PRCD: variants seen among roughly 807,000 people sequenced by gnomAD.
The protein encoded by PRCD is photoreceptor disk component PRCD.
A neutral mutation model predicts 10.1 loss-of-function variants in PRCD; 12 were observed. The observed-to-expected ratio is 1.18, with a 90% CI of 0.76 to 1.92. PRCD has a LOEUF of 1.92. Ranked by LOEUF, PRCD falls within the 40% of genes most tolerant of loss-of-function variation. PRCD has a pLI of 0.00. For synonymous variants in PRCD, 31 were observed against 26.2 expected (o/e 1.18, Z -0.56); for missense variants, 61 against 72.2 (o/e 0.84, Z 0.56).
At chr17:76,538,657 C>T (rs568013438), upstream of PRCD, 10 of 348,156 alleles carry the variant, frequency 2.9e-5, no homozygotes, top group Non-Finnish European at 5.4e-5. Context: ...ACCAAGGGCC[C>T]GATTCCGGGC....
Position 76,544,404 on chromosome 17 carries a change from G to A in PRCD, c.*754G>A, listed in dbSNP as rs1474318613. The A allele has an allele frequency of 2.2e-6, 1 of 454,950 alleles. No homozygotes were observed. Among genetic ancestry groups the A allele is most frequent in the Admixed American group, 2.3e-5 (1 of 42,586 alleles). The allele number at this position is 454,950 out of a possible 1,614,324, so 28.2% of individuals were successfully genotyped here. ...TGCCGCAGAGCAGAGGGAACCGCTG[G>A]GGAGGCGCTCAGGGTGGGGGAGGAG... On this transcript the variant is annotated 3_prime_UTR_variant, in exon 5 of 5. Transcript: ENST00000592014.
At position 76,545,268 on chromosome 17, in the gene PRCD, C is replaced by T. The variant is rs77404579; in HGVS notation, c.*1618C>T. The T allele has an allele frequency of 2.1e-3, 981 of 456,792 alleles. 9 individuals are homozygous for T. Among genetic ancestry groups the T allele is most frequent in the African/African-American group, 0.018 (880 of 50,216 alleles). 28.3% of individuals were successfully genotyped at this position (456,792 alleles called of 1,614,324 possible). On this transcript the variant is annotated 3_prime_UTR_variant, in exon 5 of 5. Coordinates refer to ENST00000592014, the MANE Select transcript of PRCD (RefSeq NM_001077620.3). ...CTCCCCACAGAAGGCTCCTGGGACC[C>T]GGGTGCCCCTTCCTTGGCCCACTGG...
At chr17:76,537,238 C>T (rs1269620919), upstream of PRCD, among the ~76,000 whole-genome samples, 1 of 152,180 alleles carries the variant, frequency 6.6e-6, no homozygotes, top group Non-Finnish European at 1.5e-5. Context: ...AGGCTTCGTT[C>T]ACCCCAAGGC....
chr17:76,549,229 G>T (rs916035526), downstream of PRCD, among the ~76,000 whole-genome samples: 8 of 152,178 alleles, frequency 5.3e-5, no homozygotes. Context: ...AATACATAAA[G>T]AACTTTTACA....
chr17:76,547,957 CACACAT>C (rs1190755509), downstream of PRCD, among the ~76,000 whole-genome samples: 9 of 151,650 alleles, frequency 5.9e-5, no homozygotes, highest in Non-Finnish European at 1.0e-4. Context: ...CACATATACA[CACACAT>C]ACACATAAAC....
chr17:76,538,993 T>C (rs1161545704), upstream of PRCD, among the ~76,000 whole-genome samples: 1 of 152,238 alleles, frequency 6.6e-6, no homozygotes, highest in African/African-American at 2.4e-5. Flanking sequence ...CTGGCCAGCC[T>C]CAGCTGCAGC....
chr17:76,529,456 G>A, intron 1 of PRCD: 1 of 985,476 alleles, frequency 1.0e-6, no homozygotes, highest in South Asian at 4.7e-5. Context: ...AGGGTGGGGA[G>A]GGCAGGACGG....
At chr17:76,539,473 T>C (rs1267358833), upstream of PRCD, among the ~76,000 whole-genome samples, 1 of 152,218 alleles carries the variant, frequency 6.6e-6, no homozygotes, top group Non-Finnish European at 1.5e-5. Flanking sequence ...CAGAAAAGTT[T>C]GGAGAGGATT....
chr17:76,529,057 C>T, intron 1 of PRCD: 1 of 481,510 alleles, frequency 2.1e-6, no homozygotes, highest in Non-Finnish European at 2.7e-6. Context: ...CCCCCCCCAC[C>T]CCCCACCCAC....
chr17:76,537,397 T>C (rs1422656935), upstream of PRCD: 2 of 1,589,800 alleles, frequency 1.3e-6, no homozygotes, highest in Admixed American at 3.4e-5. Context: ...GGGCGACACC[T>C]ACCTCACCAG....
At chr17:76,538,806 C>A (rs2074953255), upstream of PRCD, among the ~76,000 whole-genome samples, 1 of 152,240 alleles carries the variant, frequency 6.6e-6, no homozygotes, top group Non-Finnish European at 1.5e-5. Context: ...CCAGACAGGG[C>A]CTGGCAGTGT....
Position 76,529,907 on chromosome 17 carries a change from G to A in PRCD, n.45+2074G>A, listed in dbSNP as rs537809198. ...TCCACTCTCTTGGGGTGGTGCTGAC[G>A]GGAGAGGGGGGAGGGGAGCAGGAGC... On this transcript the variant is annotated intron_variant and non_coding_transcript_variant, in intron 1 of 4. Transcript: ENST00000397633. The A allele has an allele frequency of 4.7e-4, 463 of 985,290 alleles. 1 individual carries two copies. In the South Asian group the frequency reaches 1.0e-2, roughly 21 times the overall value. The allele number at this position is 985,290 out of a possible 1,614,324, so 61.0% of individuals were successfully genotyped here.
chr17:76,544,022 C>T lies in PRCD; in HGVS notation c.*372C>T, dbSNP rs1428411692. 1 of 455,544 alleles carries T rather than the reference C, an allele frequency of 2.2e-6. No individual in the cohort carries two copies. The highest frequency in any genetic ancestry group is 4.4e-6 in the Non-Finnish European group (1 of 226,966). 28.2% of individuals were successfully genotyped at this position (455,544 alleles called of 1,614,324 possible). Reference sequence around the variant, plus strand: ...TTGTTTTTATCAATTTGCTGATGCTCAGTCCCGGCGGCTGCCTCCTTTGCC... The same window carrying T: ...TTGTTTTTATCAATTTGCTGATGCTTAGTCCCGGCGGCTGCCTCCTTTGCC... On this transcript the variant is annotated 3_prime_UTR_variant, in exon 5 of 5. Transcript: ENST00000592014.
Position 76,543,942 on chromosome 17 carries a change from C to T in PRCD, c.*292C>T. The T allele has an allele frequency of 2.1e-6, 1 of 469,392 alleles. No individual in the cohort carries two copies. Among genetic ancestry groups the T allele is most frequent in the Middle Eastern group, 4.0e-4 (1 of 2,470 alleles). 29.1% of individuals were successfully genotyped at this position (469,392 alleles called of 1,614,324 possible). A position where few individuals can be genotyped will look rare whatever the true frequency, so the allele number is the denominator to read the frequency against. ...TCCGAATGTGTTTTCTGTATGTGTGCAAGCGCGTGTGTTCCAAACGGGCAG... is the reference window on the plus strand; with the variant it reads ...TCCGAATGTGTTTTCTGTATGTGTGTAAGCGCGTGTGTTCCAAACGGGCAG... On this transcript the variant is annotated 3_prime_UTR_variant, in exon 5 of 5. Transcript: ENST00000592014.
upstream of PRCD, among the ~76,000 whole-genome samples, chr17:76,535,394 G>C (rs921432490): frequency 2.0e-5 from 3 of 152,170 alleles, no homozygotes; most frequent in African/African-American, 4.8e-5. Context: ...ATCTGAGAAG[G>C]GACCTTCAGG....
intron 1 of PRCD, chr17:76,529,480 G>T (rs1226908545): frequency 1.0e-6 from 1 of 985,302 alleles, no homozygotes; most frequent in African/African-American, 1.7e-5. Context: ...GCGTGCTGGG[G>T]AACTTGGGCC....
upstream of PRCD, among the ~76,000 whole-genome samples, chr17:76,539,842 T>G (rs1391337320): frequency 6.6e-6 from 1 of 152,174 alleles, no homozygotes; most frequent in Non-Finnish European, 1.5e-5. Context: ...TTGTTTAGAG[T>G]GGCAGCTCCT....
chr17:76,527,638 G>C (rs180761380), upstream of PRCD: 1 of 453,682 alleles, frequency 2.2e-6, no homozygotes, highest in African/African-American at 2.0e-5. Flanking sequence ...GAAAGCCCTC[G>C]GCCCTCGGAG....
chr17:76,540,216 G>T lies in PRCD; in HGVS notation c.74+1G>T. The T allele has an allele frequency of 6.6e-7, 1 of 1,509,902 alleles. No individual in the cohort carries two copies. The highest frequency in any genetic ancestry group is 9.0e-7 in the Non-Finnish European group (1 of 1,115,778). 93.5% of individuals were successfully genotyped at this position (1,509,902 alleles called of 1,614,324 possible). ...GCCGATTTGCCAACCGAGTCCAACC[G>T]TGAGAAACTGACCGGGCTATGGCTG... is the stretch of plus-strand genomic sequence containing the variant. On this transcript the variant is annotated splice_donor_variant, in intron 1 of 4. Coordinates refer to ENST00000592014, the MANE Select transcript of PRCD (RefSeq NM_001077620.3). LOFTEE classifies it high-confidence loss of function. This position sits in a 1 kb window ranked among gnomAD's most constrained non-coding sequence, Gnocchi z 5.0.
Sources: allele counts gnomAD v4.1 joint callset (sites outside exome capture counted in the v4.1 genomes callset), GRCh38; gene constraint gnomAD v4.1.1; non-coding constraint Gnocchi (gnomAD v3.1); transcripts MANE v1.5; gene names NCBI Gene and HGNC (gene_info 2026-07-23, HGNC 2026-07-21).